The following HSPB7 variants were observed in gnomAD, a reference collection of about 807,000 sequenced individuals.
The protein encoded by HSPB7 is heat shock protein beta-7.
A neutral mutation model predicts 11.0 loss-of-function variants in HSPB7; 9 were observed. The ratio of observed to expected loss-of-function variants is 0.82; its 90% CI spans 0.49 to 1.43. The LOEUF is 1.43. Among genes scored for constraint, HSPB7 ranks in the 40% most tolerant of loss-of-function variants. The pLI is 0.00. For synonymous variants in HSPB7, 102 were observed against 101.6 expected, an observed-to-expected ratio of 1.00 and a Z score of -0.02; for missense variants, 246 against 243.9, an observed-to-expected ratio of 1.01 and a Z score of -0.06.
At chr1:16,019,399 C>T (rs2021978876), upstream of HSPB7, 1 of 1,526,176 alleles carries the variant, frequency 6.6e-7, no homozygotes, top group Admixed American at 2.0e-5. Flanking sequence ...TGCTGTGACT[C>T]TCTGCTGTGT....
chr1:16,015,428 G>A lies in HSPB7; in HGVS notation c.*152C>T. On this transcript the variant is annotated 3_prime_UTR_variant, in exon 3 of 3. Coordinates refer to ENST00000311890, the MANE Select transcript of HSPB7 (RefSeq NM_014424.5). This position sits in a 1 kb window ranked among gnomAD's most constrained non-coding sequence, Gnocchi z 4.9. ...CTGGCCTGCCCTGGATAGAGTGGAG[G>A]GCCCTAGTTTGGGAGGATGGTCCAC... is the stretch of plus-strand genomic sequence containing the variant. The A allele has an allele frequency of 3.0e-6, 2 of 666,304 alleles. No individual in the cohort carries two copies. The highest frequency in any genetic ancestry group is 5.2e-6 in the Non-Finnish European group (2 of 385,212). 41.3% of individuals were successfully genotyped at this position (666,304 alleles called of 1,614,324 possible).
At chr1:16,017,339 GC>G in intron 1 of HSPB7, 132 bp from the exon 2 acceptor site, 1 of 1,269,496 alleles carries the variant, frequency 7.9e-7, no homozygotes, top group East Asian at 2.3e-5. Context: ...TTCTCCCTAA[GC>G]TCCTCCTCAT....
chr1:16,017,923 C>G lies in HSPB7; in HGVS notation c.41G>C (p.Ser14Thr). ...GGAGGAAGAGGAAGAGGAATGGAAA[C>G]TTCTCTCCGCTCGGAAGGTGGAAGA... Reference protein sequence around the residue: ...RTSSTFRAERSFHSSSSSSSS... With the variant: ...RTSSTFRAERTFHSSSSSSSS... Residue 14 changes from serine to threonine, a missense_variant, in exon 1 of 3, where the codon AGT (serine) becomes ACT (threonine). Coordinates refer to ENST00000311890, the MANE Select transcript of HSPB7 (RefSeq NM_014424.5). The G allele has an allele frequency of 6.2e-7, 1 of 1,613,450 alleles. No individual in the cohort carries two copies. The highest frequency in any genetic ancestry group is 8.5e-7 in the Non-Finnish European group (1 of 1,179,658).
Position 16,015,065 on chromosome 1 carries a change from G to T in HSPB7, c.*515C>A, listed in dbSNP as rs35441766. ...GAGGCTGGTAGAGGGGAAGTTTACC[G>T]TCACGGCTGTCTCCTCTTGGCCTTG... On this transcript the variant is annotated 3_prime_UTR_variant, in exon 3 of 3. Coordinates refer to ENST00000311890, the MANE Select transcript of HSPB7 (RefSeq NM_014424.5). This position sits in a 1 kb window ranked among gnomAD's most constrained non-coding sequence, Gnocchi z 4.9. 0.084 allele frequency: 12,867 copies of T among 153,304 alleles called. 622 individuals carry two copies. The highest frequency in any genetic ancestry group is 0.1 in the Non-Finnish European group (6,989 of 68,670). 9.5% of individuals were successfully genotyped at this position (153,304 alleles called of 1,614,324 possible). A position where few individuals can be genotyped will look rare whatever the true frequency, so the allele number is the denominator to read the frequency against.
At chr1:16,017,552 A>G (rs915747294) in intron 1 of HSPB7, 17 of 593,186 alleles carry the variant, frequency 2.9e-5, no homozygotes, top group African/African-American at 2.8e-4. Flanking sequence ...ACCATGTCCA[A>G]CCCCCAGGGC....
chr1:16,015,834 C>T lies in HSPB7; in HGVS notation c.334-75G>A. On this transcript the variant is annotated intron_variant, in intron 2 of 2. Transcript: ENST00000311890. The surrounding 1 kb of genome is among the most constrained non-coding windows in gnomAD (Gnocchi z 4.9). ...TTGTGACAAGCCAGAGCCCTCTTCT[C>T]CCCATTCTAACCCCAGCCAGACCCC... 2 of 1,382,618 alleles carry T rather than the reference C, an allele frequency of 1.4e-6. No homozygotes were observed. The highest frequency in any genetic ancestry group is 9.8e-7 in the Non-Finnish European group (1 of 1,020,110). The allele number at this position is 1,382,618 out of a possible 1,614,324, so 85.6% of individuals were successfully genotyped here.
chr1:16,019,177 G>C (rs1284649254), upstream of HSPB7: 16 of 1,550,536 alleles, frequency 1.0e-5, no homozygotes, highest in East Asian at 3.7e-4. Flanking sequence ...AGGCGGCCAG[G>C]CCCTCTGCTC....
Position 16,015,700 on chromosome 1 carries a change from G to C in HSPB7, c.393C>G (p.Asp131Glu), listed in dbSNP as rs763032522. ...CCGAGGTCACCGACGTCGGGTCCAC[G>C]TCCTCCGGCAGCTGGCACTTGTGAG... ...TFAHKCQLPE[D>E]VDPTSVTSAL... Residue 131 changes from aspartate to glutamate, a missense_variant, in exon 3 of 3, where the codon GAC becomes GAG. Asp to Glu is a conservative substitution (Grantham distance 45). Transcript: ENST00000311890. This position sits in a 1 kb window ranked among gnomAD's most constrained non-coding sequence, Gnocchi z 4.9. 1 of 1,612,240 alleles carries C rather than the reference G, an allele frequency of 6.2e-7. No homozygotes were observed. Among genetic ancestry groups the C allele is most frequent in the East Asian group, 2.2e-5 (1 of 44,842 alleles).
upstream of HSPB7, chr1:16,018,290 C>T: frequency 1.5e-6 from 2 of 1,330,232 alleles, no homozygotes; most frequent in Non-Finnish European, 2.0e-6. Context: ...GATCCTGTCT[C>T]CTTGCCACTC....
At chr1:16,017,413 TG>T in intron 1 of HSPB7, 1 of 640,322 alleles carries the variant, frequency 1.6e-6, no homozygotes, top group Non-Finnish European at 2.6e-6. Context: ...TGTGTGTATA[TG>T]AGGCTAGGTC....
Position 16,017,907 on chromosome 1 carries a change from G to A in HSPB7, c.57C>T (p.Ser19=), listed in dbSNP as rs945416. The change falls in exon 1 of 3, where the codon TCC becomes TCT. Residue 19 remains serine (S), a synonymous_variant. Coordinates refer to ENST00000311890, the MANE Select transcript of HSPB7 (RefSeq NM_014424.5). The part of the protein sequence containing the change: ...FRAERSFHSS[S]SSSSSSTSSS... ...AGGAGGTGGAAGAGGAGGAGGAAGA[G>A]GAAGAGGAATGGAAACTTCTCTCCG... 0.59 allele frequency: 953,741 copies of A among 1,613,376 alleles called. 284,168 individuals carry two copies. The highest frequency in any genetic ancestry group is 0.73 in the East Asian group (32,899 of 44,866).
At position 16,014,667 on chromosome 1, in the gene HSPB7, AAG is replaced by A. The variant is rs1447679812; in HGVS notation, c.*911_*912del. ...ACCGAGCCTATAGATTCATAGATTA[AAG>A]AGGGGGATGGATGGAGAGCTGACTG... On this transcript the variant is annotated 3_prime_UTR_variant, in exon 3 of 3. Transcript: ENST00000311890. The A allele has an allele frequency of 6.6e-6, 1 of 152,240 alleles. No individual in the cohort carries two copies. The allele number at this position is 152,240 out of a possible 1,614,324, so 9.4% of individuals were successfully genotyped here.
Position 16,017,039 on chromosome 1 carries a change from T to C in HSPB7, c.333+35A>G, listed in dbSNP as rs890352029. ...GGAGACATTGGAGGCAGGAGCAGAA[T>C]TTGGGATGCGGTGAGTAGGGGGTGG... On this transcript the variant is annotated intron_variant, in intron 2 of 2. Transcript: ENST00000311890. The C allele has an allele frequency of 3.4e-5, 54 of 1,589,568 alleles. No homozygotes were observed. In the Middle Eastern group the frequency reaches 6.7e-4, roughly 20 times the overall value.
Position 16,017,057 on chromosome 1 carries a change from G to C in HSPB7, c.333+17C>G, listed in dbSNP as rs773219339. 4 of 1,599,672 alleles carry C rather than the reference G, an allele frequency of 2.5e-6. No homozygotes were observed. The East Asian group carries it at 9.0e-5, about 36-fold the overall frequency. The stretch of plus-strand genomic sequence containing the variant: ...AGCAGAATTTGGGATGCGGTGAGTA[G>C]GGGGTGGGGGGCTCACCTTCTCAGC... On this transcript the variant is annotated intron_variant, in intron 2 of 2. Coordinates refer to ENST00000311890, the MANE Select transcript of HSPB7 (RefSeq NM_014424.5).
upstream of HSPB7, chr1:16,019,507 T>C (rs2021984671): frequency 1.3e-6 from 2 of 1,497,902 alleles, no homozygotes; most frequent in African/African-American, 2.9e-5. Flanking sequence ...GTTTCTCTTT[T>C]GTCTGAGCCC....
chr1:16,017,770 AAGGCCAGGGGCTCCGAGTGGG>A lies in HSPB7; in HGVS notation c.173_193del (p.Pro58_Phe65delinsLeu). ...TCAGGGCCCGGATCACTTGCCTGGG[AAGGCCAGGGGCTCCGAGTGGG>A]GCCGCATGAAGCTGCCAAAGTCATC... On this transcript the variant is annotated inframe_deletion, in exon 1 of 3. Transcript: ENST00000311890. The A allele has an allele frequency of 6.3e-7, 1 of 1,597,630 alleles. No homozygotes were observed. Among genetic ancestry groups the A allele is most frequent in the Non-Finnish European group, 8.5e-7 (1 of 1,172,596 alleles).
At position 16,014,174 on chromosome 1, in the gene HSPB7, G is replaced by A. The variant is rs1175489854; in HGVS notation, c.*1406C>T. The A allele has an allele frequency of 6.6e-6, 1 of 152,432 alleles. No homozygotes were observed. Among genetic ancestry groups the A allele is most frequent in the Non-Finnish European group, 1.5e-5 (1 of 68,212 alleles). 9.4% of individuals were successfully genotyped at this position (152,432 alleles called of 1,614,324 possible). On this transcript the variant is annotated 3_prime_UTR_variant, in exon 3 of 3. Transcript: ENST00000311890. ...CACTGACCAGAGAGGCATGGAGGGA[G>A]GAGGCTGACTTGCCCTGGGGACCCC...
At position 16,017,772 on chromosome 1, in the gene HSPB7, G is replaced by A. The variant is rs768594811; in HGVS notation, c.192C>T (p.Ala64=). The stretch of plus-strand genomic sequence containing the variant: ...AGGGCCCGGATCACTTGCCTGGGAA[G>A]GCCAGGGGCTCCGAGTGGGGCCGCA... ...SFMRPHSEPL[A]FPARPGGAGN... is the part of the protein sequence containing the mutation. Residue 64 remains alanine (A), a synonymous_variant, in exon 1 of 3, where the codon GCC becomes GCT. Transcript: ENST00000311890. 8.1e-6 allele frequency: 13 copies of A among 1,600,686 alleles called. No individual in the cohort carries two copies. The Admixed American group carries it at 1.6e-4, about 19-fold the overall frequency.
rs1216073406 is a variant in HSPB7 at position 16,017,140 on chromosome 1, T to G, written c.267A>C (p.Arg89Ser). 1.2e-6 allele frequency: 2 copies of G among 1,613,722 alleles called. No individual in the cohort carries two copies. The highest frequency in any genetic ancestry group is 3.3e-5 in the Admixed American group (2 of 60,006). The change falls in exon 2 of 3, where the codon AGA (arginine) becomes AGC (serine). Residue 89 changes from arginine to serine, a missense_variant. Transcript: ENST00000311890. ...CAATGATGTCTTCAGGTGAGAAGTC[T>G]CTCACGTCCACCGCAAACTCATAGG... ...GDAYEFAVDV[R>S]DFSPEDIIVT...
Sources: gnomAD v4.1 joint callset for allele counts on GRCh38, gnomAD v4.1.1 for gene constraint, Gnocchi (gnomAD v3.1) non-coding constraint, MANE v1.5 for transcripts, NCBI Gene and HGNC (gene_info 2026-07-23, HGNC 2026-07-21) for gene names.